The following GRID2 variants were observed in gnomAD, a reference collection of about 807,000 sequenced individuals.
GRID2 encodes glutamate receptor ionotropic, delta-2.
A neutral mutation model predicts 114.8 loss-of-function variants in GRID2; 33 were observed. The observed-to-expected ratio is 0.29, with a 90% CI of 0.22 to 0.38. The LOEUF (loss-of-function observed/expected upper bound fraction) is 0.38, where lower values mean the gene tolerates loss of function less well. Among genes scored for constraint, GRID2 ranks in the 10% least tolerant of loss-of-function variants. GRID2 has a pLI of 1.00. For synonymous variants in GRID2, 505 were observed against 449.9 expected (o/e 1.12, Z -1.55); for missense variants, 1,184 against 1,257.7 (o/e 0.94, Z 0.89).
intron 13 of GRID2, among the ~76,000 whole-genome samples, chr4:93,520,460 A>C (rs1445430536): frequency 6.6e-6 from 1 of 152,110 alleles, no homozygotes; most frequent in Non-Finnish European, 1.5e-5. Context: ...TGAACCATGC[A>C]TATAGTTTGG....
At chr4:92,635,119 G>T (rs1308016920) in intron 2 of GRID2, among the ~76,000 whole-genome samples, 1 of 151,986 alleles carries the variant, frequency 6.6e-6, no homozygotes, top group Non-Finnish European at 1.5e-5. Flanking sequence ...TATTTGCTTG[G>T]TATCCGAGCC....
At chr4:93,434,907 C>G (rs918705826) in intron 10 of GRID2, among the ~76,000 whole-genome samples, 9 of 152,050 alleles carry the variant, frequency 5.9e-5, no homozygotes, top group African/African-American at 1.9e-4. Context: ...TGAACTTGGC[C>G]TTTTCAATTT....
chr4:92,805,076 A>G (rs1454683798), intron 2 of GRID2, among the ~76,000 whole-genome samples: 1 of 152,036 alleles, frequency 6.6e-6, no homozygotes, highest in Non-Finnish European at 1.5e-5. Context: ...AAACAAGTCT[A>G]GCAGATAGGT....
intron 8 of GRID2, among the ~76,000 whole-genome samples, chr4:93,281,351 A>T (rs1752631276): frequency 1.3e-5 from 2 of 151,982 alleles, no homozygotes; most frequent in Non-Finnish European, 2.9e-5. Flanking sequence ...CAAGGATGGC[A>T]GTATGGGTGT....
chr4:93,580,756 T>TG (rs1295500357), intron 13 of GRID2, among the ~76,000 whole-genome samples: 1 of 151,698 alleles, frequency 6.6e-6, no homozygotes, highest in Non-Finnish European at 1.5e-5. Flanking sequence ...AAAGAGCATT[T>TG]TTTTTTTCTT....
chr4:93,075,899 T>C (rs1729235600), intron 2 of GRID2, among the ~76,000 whole-genome samples: 6 of 43,010 alleles, frequency 1.4e-4, no homozygotes, highest in African/African-American at 3.8e-4. Flanking sequence ...TTTTTTTTTT[T>C]TTTTTTTTTT....
intron 2 of GRID2, among the ~76,000 whole-genome samples, chr4:92,738,310 A>G (rs527412866): frequency 1.1e-4 from 16 of 152,200 alleles, no homozygotes; most frequent in Admixed American, 2.6e-4. Context: ...TACTTGTTCT[A>G]TGGAGATGAT....
At chr4:93,091,291 C>T (rs1730769047) in intron 3 of GRID2, among the ~76,000 whole-genome samples, 1 of 152,078 alleles carries the variant, frequency 6.6e-6, no homozygotes, top group Admixed American at 6.6e-5. Flanking sequence ...AAGCATTCTG[C>T]ATAGGAGTGG....
intron 2 of GRID2, among the ~76,000 whole-genome samples, chr4:92,785,505 G>A (rs560262781): frequency 6.6e-6 from 1 of 151,672 alleles, no homozygotes; most frequent in Non-Finnish European, 1.5e-5. Flanking sequence ...TAAGTTCTAA[G>A]TCAGTATTCT....
intron 2 of GRID2, among the ~76,000 whole-genome samples, chr4:93,017,913 A>C (rs537655870): frequency 1.4e-5 from 2 of 141,218 alleles, no homozygotes; most frequent in Admixed American, 1.5e-4. Context: ...CTCCTATGTC[A>C]GTTCCTGAAC....
intron 1 of GRID2, among the ~76,000 whole-genome samples, chr4:92,476,317 A>G (rs1722313355): frequency 6.6e-6 from 1 of 152,062 alleles, no homozygotes; most frequent in Non-Finnish European, 1.5e-5. Context: ...GAGCAACTGC[A>G]CCCGGCTGAA....
At chr4:92,656,066 T>A (rs550817332) in intron 2 of GRID2, among the ~76,000 whole-genome samples, 1 of 151,922 alleles carries the variant, frequency 6.6e-6, no homozygotes, top group East Asian at 1.9e-4. Context: ...TTGAACATTT[T>A]ATCTTGCAGA....
At chr4:93,289,765 A>C (rs528864622) in intron 8 of GRID2, among the ~76,000 whole-genome samples, 1 of 152,212 alleles carries the variant, frequency 6.6e-6, no homozygotes, top group South Asian at 2.1e-4. Flanking sequence ...TAGTGTTGGT[A>C]TGTCCGCTTC....
At chr4:93,672,343 T>C (rs1358590531) in intron 14 of GRID2, among the ~76,000 whole-genome samples, 2 of 152,066 alleles carry the variant, frequency 1.3e-5, no homozygotes, top group African/African-American at 2.4e-5. Flanking sequence ...TTTGTGGGGG[T>C]GTCGATGGAG....
chr4:93,196,890 ACAT>A (rs770574229), intron 4 of GRID2, among the ~76,000 whole-genome samples: 1 of 152,142 alleles, frequency 6.6e-6, no homozygotes, highest in Admixed American at 6.5e-5. Flanking sequence ...CTCTGGTTAA[ACAT>A]CAGGAATATA....
chr4:93,259,453 T>C (rs907669091), intron 8 of GRID2, among the ~76,000 whole-genome samples: 2 of 151,830 alleles, frequency 1.3e-5, no homozygotes, highest in Non-Finnish European at 2.9e-5. Context: ...TTTAAAATGA[T>C]TTCACAGGTG....
At chr4:92,436,172 A>G (rs1368539417) in intron 1 of GRID2, among the ~76,000 whole-genome samples, 1 of 152,174 alleles carries the variant, frequency 6.6e-6, no homozygotes, top group East Asian at 1.9e-4. Flanking sequence ...TTTCCTTTAA[A>G]TTAATAATTC....
chr4:93,071,931 A>G (rs1728843828), intron 2 of GRID2, among the ~76,000 whole-genome samples: 1 of 152,210 alleles, frequency 6.6e-6, no homozygotes, highest in African/African-American at 2.4e-5. Context: ...CTACTACTTG[A>G]AGTCTGTTTA....
intron 2 of GRID2, among the ~76,000 whole-genome samples, chr4:92,670,744 A>G (rs1490694694): frequency 1.3e-5 from 2 of 152,114 alleles, no homozygotes; most frequent in East Asian, 3.9e-4. Context: ...CTTGCATAAT[A>G]TAAGCATTCT....
Sources: allele counts gnomAD v4.1 joint callset (sites outside exome capture counted in the v4.1 genomes callset), GRCh38; gene constraint gnomAD v4.1.1; transcripts MANE v1.5; gene names NCBI Gene and HGNC (gene_info 2026-07-23, HGNC 2026-07-21).